The following NOL4 variants were observed in gnomAD, a reference collection of about 807,000 sequenced individuals.
The protein encoded by NOL4 is cancer/testis antigen 125.
A neutral mutation model predicts 75.9 loss-of-function variants in NOL4; 17 were observed. The observed-to-expected ratio is 0.22, with a 90% CI of 0.15 to 0.34. NOL4 has a LOEUF of 0.34. Ranked by LOEUF, NOL4 falls within the 10% of genes least tolerant of loss-of-function variation. NOL4 has a pLI of 1.00. For missense variants in NOL4, 614 were observed against 793.5 expected, an observed-to-expected ratio of 0.77 and a Z score of 2.72; for synonymous variants, 292 against 289.9, an observed-to-expected ratio of 1.01 and a Z score of -0.07.
chr18:33,998,573 A>G lies in NOL4; in HGVS notation c.1056+20745T>C, dbSNP rs908902763. On this transcript the variant is annotated intron_variant, in intron 6 of 10. Transcript: ENST00000261592. Reference sequence around the variant, plus strand: ...TTGTAGAGAAAAAGCTTGCAAAATTATGAATAAACTGACTTGAAAAAGAGA... The same window carrying G: ...TTGTAGAGAAAAAGCTTGCAAAATTGTGAATAAACTGACTTGAAAAAGAGA... Among the ~76,000 whole-genome samples, 34 of 152,194 alleles carry G rather than the reference A, an allele frequency of 2.2e-4. 1 individual carries two copies. The highest frequency in any genetic ancestry group is 2.2e-3 in the Admixed American group (33 of 15,270).
chr18:34,092,408 C>G (rs1403320551), intron 5 of NOL4, among the ~76,000 whole-genome samples: 1 of 152,096 alleles, frequency 6.6e-6, no homozygotes, highest in Non-Finnish European at 1.5e-5. Context: ...AACAAGGACA[C>G]CAGCATCTTT....
chr18:34,213,356 C>T (rs1049315083), intron 1 of NOL4, among the ~76,000 whole-genome samples: 1 of 152,158 alleles, frequency 6.6e-6, no homozygotes, highest in Admixed American at 6.5e-5. Flanking sequence ...GTGGTGCAAT[C>T]TTGGCTCACT....
intron 8 of NOL4, among the ~76,000 whole-genome samples, chr18:33,949,726 T>C (rs1257976362): frequency 1.3e-5 from 2 of 152,160 alleles, no homozygotes; most frequent in Admixed American, 6.6e-5. Flanking sequence ...AACCTTTGTC[T>C]AGGCTTTGAT....
At chr18:34,104,540 G>A (rs1600601502) in intron 3 of NOL4, among the ~76,000 whole-genome samples, 1 of 151,856 alleles carries the variant, frequency 6.6e-6, no homozygotes, top group East Asian at 1.9e-4. Context: ...TAACCTTCGA[G>A]ACACAGGAAT....
chr18:34,008,399 A>G lies in NOL4; in HGVS notation c.1056+10919T>C, dbSNP rs1032455700. Among the ~76,000 whole-genome samples, 5 of 151,440 alleles carry G rather than the reference A, an allele frequency of 3.3e-5. No homozygotes were observed. In the Admixed American group the frequency reaches 3.3e-4, roughly 10 times the overall value. ...TATCTATCTATCTATCTATCTATCTATCTATCTATCTATCCTATGGGTTCC... is the reference window on the plus strand; with the variant it reads ...TATCTATCTATCTATCTATCTATCTGTCTATCTATCTATCCTATGGGTTCC... On this transcript the variant is annotated intron_variant, in intron 6 of 10. Coordinates refer to ENST00000261592, the MANE Select transcript of NOL4 (RefSeq NM_003787.5).
chr18:34,123,751 CAT>C (rs1479778648), intron 2 of NOL4, among the ~76,000 whole-genome samples: 1 of 149,382 alleles, frequency 6.7e-6, no homozygotes, highest in Non-Finnish European at 1.5e-5. Context: ...TATAGAAAGA[CAT>C]AGATCTATTT....
intron 6 of NOL4, among the ~76,000 whole-genome samples, chr18:34,000,478 T>C (rs1476883328): frequency 1.3e-5 from 2 of 152,134 alleles, no homozygotes; most frequent in African/African-American, 2.4e-5. Flanking sequence ...TAAACCTATG[T>C]ATGTTTTTAT....
chr18:34,162,557 A>G (rs2031669133), intron 1 of NOL4, among the ~76,000 whole-genome samples: 1 of 152,348 alleles, frequency 6.6e-6, no homozygotes, highest in East Asian at 1.9e-4. Flanking sequence ...GAATCTCTGA[A>G]TAGACCAATA....
At chr18:34,169,481 C>T in intron 1 of NOL4, among the ~76,000 whole-genome samples, 1 of 123,348 alleles carries the variant, frequency 8.1e-6, no homozygotes, top group South Asian at 2.4e-4. Flanking sequence ...AAAAAAAAAA[C>T]AGCAAGATGA....
intron 1 of NOL4, among the ~76,000 whole-genome samples, chr18:34,169,460 A>G (rs2032793916): frequency 6.9e-6 from 1 of 145,762 alleles, no homozygotes; most frequent in Non-Finnish European, 1.5e-5. Context: ...CAGATTGGGC[A>G]AACAGGAAAA....
chr18:34,032,359 A>C (rs1198746878), intron 5 of NOL4, among the ~76,000 whole-genome samples: 1 of 152,124 alleles, frequency 6.6e-6, no homozygotes, highest in Non-Finnish European at 1.5e-5. Context: ...TGACACCCAC[A>C]CACACCATCA....
chr18:34,063,767 T>C (rs990413828), intron 5 of NOL4, among the ~76,000 whole-genome samples: 12 of 152,004 alleles, frequency 7.9e-5, no homozygotes, highest in African/African-American at 2.9e-4. Flanking sequence ...TTTCCAGATA[T>C]TATGTGTTGC....
intron 2 of NOL4, among the ~76,000 whole-genome samples, chr18:34,124,012 T>C (rs1172594239): frequency 2.0e-5 from 3 of 152,114 alleles, no homozygotes; most frequent in Admixed American, 1.3e-4. Context: ...GAATAGTTCA[T>C]TTAAAGTTTT....
At chr18:33,977,572 T>C (rs1241302371) in intron 6 of NOL4, among the ~76,000 whole-genome samples, 2 of 152,166 alleles carry the variant, frequency 1.3e-5, no homozygotes, top group Admixed American at 1.3e-4. Context: ...ATAAATTACC[T>C]AGTCTAGGGT....
chr18:34,208,060 G>C (rs1250647617), intron 1 of NOL4, among the ~76,000 whole-genome samples: 1 of 152,150 alleles, frequency 6.6e-6, no homozygotes, highest in African/African-American at 2.4e-5. Flanking sequence ...TTCAAAATTT[G>C]TACTGTCTGC....
chr18:33,966,250 C>G (rs952646931), intron 6 of NOL4, among the ~76,000 whole-genome samples: 3 of 151,994 alleles, frequency 2.0e-5, no homozygotes, highest in Non-Finnish European at 4.4e-5. Flanking sequence ...AGGAGAATAA[C>G]CACAAATTAC....
chr18:34,039,253 G>T (rs2076039344), intron 5 of NOL4, among the ~76,000 whole-genome samples: 2 of 151,824 alleles, frequency 1.3e-5, no homozygotes, highest in South Asian at 4.2e-4. Flanking sequence ...ATTACTAAGG[G>T]TTCCATATTG....
intron 6 of NOL4, among the ~76,000 whole-genome samples, chr18:33,985,778 TGGGAAAGG>T (rs2072392993): frequency 6.6e-6 from 1 of 152,126 alleles, no homozygotes; most frequent in African/African-American, 2.4e-5. Flanking sequence ...TGTTGTATGT[TGGGAAAGG>T]CATGAAATAC....
chr18:34,144,634 G>A (rs1424179183), intron 1 of NOL4, among the ~76,000 whole-genome samples: 1 of 152,026 alleles, frequency 6.6e-6, no homozygotes, highest in Non-Finnish European at 1.5e-5. Flanking sequence ...ATGATTGAAG[G>A]AAAGAAAAGT....
Sources: gnomAD v4.1 joint callset for allele counts (sites outside exome capture counted in the v4.1 genomes callset) on GRCh38, gnomAD v4.1.1 for gene constraint, MANE v1.5 for transcripts, NCBI Gene and HGNC (gene_info 2026-07-23, HGNC 2026-07-21) for gene names.